Variants in NELL1 observed in about 807,000 individuals in gnomAD.
NELL1 encodes the protein protein kinase C-binding protein NELL1.
A neutral mutation model predicts 107.4 loss-of-function variants in NELL1; 76 were observed. The ratio of observed to expected loss-of-function variants is 0.71; its 90% CI spans 0.59 to 0.86. The LOEUF (loss-of-function observed/expected upper bound fraction) is 0.86, where lower values mean the gene tolerates loss of function less well. Ranked by LOEUF, NELL1 falls within the 40% of genes least tolerant of loss-of-function variation. The probability of loss-of-function intolerance (pLI) is 0.00; values close to 1 mark genes in which losing one functional copy is unlikely to be tolerated. For missense variants in NELL1, 1,024 were observed against 1,005.5 expected (o/e 1.02, Z -0.25); for synonymous variants, 353 against 341.2 (o/e 1.03, Z -0.38).
chr11:21,122,226 G>A lies in NELL1; in HGVS notation c.1426+8512G>A, dbSNP rs370430848. On this transcript the variant is annotated intron_variant, in intron 13 of 19. Coordinates refer to ENST00000357134, the MANE Select transcript of NELL1 (RefSeq NM_006157.5). ...CCCTTGACCCAAATTCATCATAAAA[G>A]CCTTGTTAATATTTCTGTACACTCT... Among the ~76,000 whole-genome samples the A allele has an allele frequency of 2.0e-5, 3 of 152,244 alleles. No individual in the cohort carries two copies. In the South Asian group the frequency reaches 6.2e-4, roughly 32 times the overall value.
chr11:21,058,377 A>G (rs1362234104), intron 12 of NELL1, among the ~76,000 whole-genome samples: 2 of 152,176 alleles, frequency 1.3e-5, no homozygotes, highest in African/African-American at 4.8e-5. Flanking sequence ...GAAATGACAT[A>G]TTCCAAGCTC....
chr11:21,041,109 T>C (rs149757512), intron 12 of NELL1, among the ~76,000 whole-genome samples: 1 of 152,314 alleles, frequency 6.6e-6, no homozygotes, highest in African/African-American at 2.4e-5. Context: ...TAGAGAATGA[T>C]TCCTTTGGTC....
At chr11:21,081,468 A>G (rs1413889268) in intron 12 of NELL1, among the ~76,000 whole-genome samples, 1 of 152,140 alleles carries the variant, frequency 6.6e-6, no homozygotes. Context: ...ATTTGTATCC[A>G]AATGCCCAAT....
chr11:21,038,200 T>C (rs1011598881), intron 12 of NELL1, among the ~76,000 whole-genome samples: 1 of 152,132 alleles, frequency 6.6e-6, no homozygotes, highest in Admixed American at 6.5e-5. Context: ...CACGAGTCCA[T>C]GTTGTGAAGG....
intron 13 of NELL1, among the ~76,000 whole-genome samples, chr11:21,209,487 C>T (rs1857456415): frequency 6.6e-6 from 1 of 151,716 alleles, no homozygotes; most frequent in Admixed American, 6.6e-5. Context: ...AATATTTTGT[C>T]TAAGTATAAC....
intron 2 of NELL1, among the ~76,000 whole-genome samples, chr11:20,761,697 G>A (rs1308455398): frequency 6.6e-6 from 1 of 152,100 alleles, no homozygotes; most frequent in Admixed American, 6.6e-5. Flanking sequence ...TACATATTTT[G>A]AAACAAACTC....
chr11:21,073,853 T>A (rs577502891), intron 12 of NELL1, among the ~76,000 whole-genome samples: 1 of 152,286 alleles, frequency 6.6e-6, no homozygotes, highest in East Asian at 1.9e-4. Context: ...AATGAATAAA[T>A]TTTTCAATTA....
At chr11:21,072,971 T>C (rs1300425026) in intron 12 of NELL1, among the ~76,000 whole-genome samples, 1 of 152,152 alleles carries the variant, frequency 6.6e-6, no homozygotes, top group Non-Finnish European at 1.5e-5. Flanking sequence ...GACCTTTTAA[T>C]CTAGCTTGCT....
At chr11:21,173,700 G>T (rs1452285163) in intron 13 of NELL1, among the ~76,000 whole-genome samples, 6 of 151,636 alleles carry the variant, frequency 4.0e-5, no homozygotes, top group Admixed American at 2.6e-4. Context: ...ATGGTGGGTG[G>T]CATTTCATAA....
chr11:21,546,418 G>A (rs1856444198), intron 16 of NELL1, among the ~76,000 whole-genome samples: 1 of 151,946 alleles, frequency 6.6e-6, no homozygotes, highest in Admixed American at 6.6e-5. Flanking sequence ...CATTGATATG[G>A]TTTGGCCATG....
chr11:20,671,635 C>A (rs1287222329), intron 1 of NELL1, among the ~76,000 whole-genome samples: 5 of 152,258 alleles, frequency 3.3e-5, no homozygotes, highest in African/African-American at 1.2e-4. Flanking sequence ...TGTCTTTACT[C>A]ATTCAACAAA....
chr11:21,127,002 C>T (rs1855501179), intron 13 of NELL1, among the ~76,000 whole-genome samples: 1 of 152,200 alleles, frequency 6.6e-6, no homozygotes, highest in African/African-American at 2.4e-5. Context: ...TAACTTTGTT[C>T]CCTGAGAAGG....
At chr11:21,389,047 A>T (rs909042662) in intron 15 of NELL1, among the ~76,000 whole-genome samples, 15 of 151,686 alleles carry the variant, frequency 9.9e-5, no homozygotes, top group Non-Finnish European at 1.5e-5. Context: ...CTAGTCCCCC[A>T]TTTGCTGGTT....
At chr11:20,677,807 A>T in intron 1 of NELL1, 125 bp from the exon 2 acceptor site, 1 of 1,105,600 alleles carries the variant, frequency 9.0e-7, no homozygotes, top group South Asian at 1.5e-5. Flanking sequence ...CCCTCCATAG[A>T]CAAAGACTCT....
intron 2 of NELL1, among the ~76,000 whole-genome samples, chr11:20,782,205 G>A (rs1484641356): frequency 1.3e-5 from 2 of 152,114 alleles, no homozygotes; most frequent in African/African-American, 4.8e-5. Flanking sequence ...TTTTCAAGAT[G>A]CTATCTCTTT....
chr11:20,904,274 CAAGAG>C (rs1455352615), intron 5 of NELL1, among the ~76,000 whole-genome samples: 5 of 150,568 alleles, frequency 3.3e-5, no homozygotes, highest in Admixed American at 2.0e-4. Context: ...AAAATAGCTA[CAAGAG>C]AAGATTTGGA....
intron 14 of NELL1, among the ~76,000 whole-genome samples, chr11:21,247,944 A>G (rs556566650): frequency 3.3e-5 from 5 of 152,306 alleles, no homozygotes; most frequent in Admixed American, 3.3e-4. Context: ...TATGCAATCC[A>G]TCATATGGAC....
intron 3 of NELL1, among the ~76,000 whole-genome samples, chr11:20,831,747 G>A (rs1228039134): frequency 1.3e-5 from 2 of 152,012 alleles, no homozygotes; most frequent in East Asian, 1.9e-4. Flanking sequence ...TTTACCTAAC[G>A]GCCAGTTTAC....
intron 2 of NELL1, among the ~76,000 whole-genome samples, chr11:20,699,463 C>T (rs527757082): frequency 2.0e-5 from 3 of 151,956 alleles, no homozygotes; most frequent in Admixed American, 6.6e-5. Context: ...TGGGTTCAAA[C>T]GACTCCTCTG....
Sources: allele counts gnomAD v4.1 joint callset (sites outside exome capture counted in the v4.1 genomes callset), GRCh38; gene constraint gnomAD v4.1.1; transcripts MANE v1.5; gene names NCBI Gene and HGNC (gene_info 2026-07-23, HGNC 2026-07-21).